UGT1A8: variants seen among roughly 807,000 people sequenced by gnomAD.
UGT1A8 encodes the protein UDP glucuronosyltransferase family 1 member A8.
Under a neutral mutation model 45.3 loss-of-function variants are expected in UGT1A8, and 39 were observed. The ratio of observed to expected loss-of-function variants is 0.86; its 90% CI spans 0.67 to 1.12. The LOEUF (loss-of-function observed/expected upper bound fraction) is 1.12, where lower values mean the gene tolerates loss of function less well. UGT1A8 is among the 50% of genes most tolerant of loss of function. UGT1A8 has a pLI of 0.00. For missense variants in UGT1A8, 719 were observed against 664.9 expected, an observed-to-expected ratio of 1.08 and a Z score of -0.90; for synonymous variants, 275 against 249.2, an observed-to-expected ratio of 1.10 and a Z score of -0.97.
chr2:233,646,904 C>G (rs895590375), intron 1 of UGT1A8, among the ~76,000 whole-genome samples: 1 of 152,142 alleles, frequency 6.6e-6, no homozygotes, highest in African/African-American at 2.4e-5. Flanking sequence ...TACCAATTGA[C>G]TGTATTAGTC....
intron 1 of UGT1A8, among the ~76,000 whole-genome samples, chr2:233,739,404 C>T (rs1454262492): frequency 2.0e-5 from 3 of 152,174 alleles, no homozygotes; most frequent in Admixed American, 2.0e-4. Flanking sequence ...ATCAATGCCA[C>T]CCTCTGAAAG....
chr2:233,630,593 T>C (rs543468809), intron 1 of UGT1A8, among the ~76,000 whole-genome samples: 5 of 152,236 alleles, frequency 3.3e-5, no homozygotes, highest in South Asian at 2.1e-4. Flanking sequence ...ATATGAAACA[T>C]GGTGCTAGCA....
chr2:233,680,850 C>G (rs926026920), intron 1 of UGT1A8, among the ~76,000 whole-genome samples: 5 of 152,076 alleles, frequency 3.3e-5, no homozygotes, highest in Non-Finnish European at 5.9e-5. Flanking sequence ...CAGAGAGAGA[C>G]AGCTCATTAG....
chr2:233,729,818 A>G, intron 1 of UGT1A8: 1 of 1,613,812 alleles, frequency 6.2e-7, no homozygotes, highest in Non-Finnish European at 8.5e-7. Flanking sequence ...TCTGCTCCTT[A>G]TGCAAGCCTT....
intron 1 of UGT1A8, among the ~76,000 whole-genome samples, chr2:233,645,978 C>T (rs1010991824): frequency 1.3e-5 from 2 of 152,214 alleles, no homozygotes; most frequent in Non-Finnish European, 2.9e-5. Flanking sequence ...GGTCCTGCCC[C>T]TGCAGCAAAC....
chr2:233,702,566 T>C (rs2075693872), intron 1 of UGT1A8, among the ~76,000 whole-genome samples: 1 of 152,194 alleles, frequency 6.6e-6, no homozygotes, highest in Non-Finnish European at 1.5e-5. Flanking sequence ...ATTCAGTCTT[T>C]TAGCAGATTA....
chr2:233,724,332 G>A (rs1575552340), intron 1 of UGT1A8, among the ~76,000 whole-genome samples: 1 of 147,638 alleles, frequency 6.8e-6, no homozygotes, highest in Admixed American at 6.7e-5. Context: ...TGGCCAGGCG[G>A]GGGGCTGACC....
rs982701951 is a variant in UGT1A8, at chr2:233,670,084, G to A, written c.855+51522G>A. ...GAAACAGTTGCTTAACACATATTTGGCATGTTATATGTGTTATATACTGTA... is the reference window on the plus strand; with the variant it reads ...GAAACAGTTGCTTAACACATATTTGACATGTTATATGTGTTATATACTGTA... On this transcript the variant is annotated intron_variant, in intron 1 of 4. Coordinates refer to ENST00000373450, the MANE Select transcript of UGT1A8 (RefSeq NM_019076.5). 2.6e-4 allele frequency among the ~76,000 whole-genome samples: 39 copies of A among 152,158 alleles called. 1 individual carries two copies. Among genetic ancestry groups the A allele is most frequent in the Non-Finnish European group, 4.7e-4 (32 of 68,028 alleles).
chr2:233,755,296 C>A (rs1695848823), intron 1 of UGT1A8: 2 of 630,266 alleles, frequency 3.2e-6, no homozygotes, highest in Admixed American at 6.1e-5. Flanking sequence ...GCCTGCGGGG[C>A]ACTGGCACAG....
chr2:233,671,655 T>G (rs2074195582), intron 1 of UGT1A8, among the ~76,000 whole-genome samples: 1 of 152,252 alleles, frequency 6.6e-6, no homozygotes. Flanking sequence ...TTAATAATTC[T>G]GCTTCTAAAC....
chr2:233,697,882 A>T (rs28898578), intron 1 of UGT1A8, among the ~76,000 whole-genome samples: 1 of 152,322 alleles, frequency 6.6e-6, no homozygotes, highest in East Asian at 1.9e-4. Flanking sequence ...ATTTCTTACC[A>T]TTGATTGAAT....
chr2:233,744,088 A>C, intron 1 of UGT1A8: 1 of 431,958 alleles, frequency 2.3e-6, no homozygotes, highest in South Asian at 2.0e-5. Context: ...CCCAAGATGC[A>C]GTGCTTCTGG....
intron 1 of UGT1A8, among the ~76,000 whole-genome samples, chr2:233,646,180 TG>T (rs2073596652): frequency 6.6e-6 from 1 of 152,164 alleles, no homozygotes; most frequent in African/African-American, 2.4e-5. Context: ...CTGGAGCAGT[TG>T]GGATGCAAGA....
intron 1 of UGT1A8, among the ~76,000 whole-genome samples, chr2:233,765,889 C>T (rs1032509940): frequency 6.6e-6 from 1 of 152,020 alleles, no homozygotes; most frequent in Admixed American, 6.5e-5. Context: ...TTTCTCAGTG[C>T]GCCACTGCTC....
chr2:233,729,694 C>G, intron 1 of UGT1A8: 3 of 1,613,908 alleles, frequency 1.9e-6, no homozygotes, highest in Non-Finnish European at 2.5e-6. Flanking sequence ...GTGTCCAAAC[C>G]CTTCCTCCTA....
chr2:233,720,424 T>A (rs1382226869), intron 1 of UGT1A8, among the ~76,000 whole-genome samples: 3 of 151,922 alleles, frequency 2.0e-5, no homozygotes, highest in African/African-American at 7.3e-5. Flanking sequence ...AGGGAGGAGA[T>A]AAGACCGTGA....
intron 1 of UGT1A8, chr2:233,719,540 G>A (rs1488835292): frequency 1.9e-6 from 3 of 1,613,770 alleles, no homozygotes; most frequent in Non-Finnish European, 1.7e-6. Flanking sequence ...AGCTTTTTCA[G>A]AGAGAGGTGT....
chr2:233,729,175 C>T (rs2077809820), intron 1 of UGT1A8: 1 of 1,613,710 alleles, frequency 6.2e-7, no homozygotes, highest in African/African-American at 1.3e-5. Context: ...CACAGGACTG[C>T]TGCTTCTCCT....
intron 1 of UGT1A8, among the ~76,000 whole-genome samples, chr2:233,704,000 C>G (rs536799646): frequency 3.3e-5 from 5 of 152,024 alleles, no homozygotes; most frequent in Non-Finnish European, 5.9e-5. Flanking sequence ...AAGCAGTTCT[C>G]CCACCTCAGC....
Sources: gnomAD v4.1 joint callset for allele counts (sites outside exome capture counted in the v4.1 genomes callset) on GRCh38, gnomAD v4.1.1 for gene constraint, MANE v1.5 for transcripts, NCBI Gene and HGNC (gene_info 2026-07-23, HGNC 2026-07-21) for gene names.